SIK2: variants seen among roughly 807,000 people sequenced by gnomAD.
SIK2 encodes the protein serine/threonine-protein kinase SIK2.
Under a neutral mutation model 103.2 loss-of-function variants are expected in SIK2, and 29 were observed. The ratio of observed to expected loss-of-function variants is 0.28; its 90% CI spans 0.21 to 0.38. SIK2 has a LOEUF of 0.38. Among genes scored for constraint, SIK2 ranks in the 10% least tolerant of loss-of-function variants. The probability of loss-of-function intolerance (pLI) is 1.00; values close to 1 mark genes in which losing one functional copy is unlikely to be tolerated. For missense variants in SIK2, 879 were observed against 1,171.0 expected (o/e 0.75, Z 3.64); for synonymous variants, 412 against 446.1 (o/e 0.92, Z 0.96).
At position 111,728,817 on chromosome 11, in the gene SIK2, G is replaced by C. The variant is rs1009169868; in HGVS notation, c.*4688G>C. 2.0e-5 allele frequency: 3 copies of C among 151,930 alleles called. No homozygotes were observed. Among genetic ancestry groups the C allele is most frequent in the Admixed American group, 6.6e-5 (1 of 15,264 alleles). The allele number at this position is 151,930 out of a possible 1,614,324, so 9.4% of individuals were successfully genotyped here. A position where few individuals can be genotyped will look rare whatever the true frequency, so the allele number is the denominator to read the frequency against. On this transcript the variant is annotated 3_prime_UTR_variant, in exon 15 of 15. Coordinates refer to ENST00000304987, the MANE Select transcript of SIK2 (RefSeq NM_015191.3). ...TGGGCGCCTGTAGTTCCAGCTACTC[G>C]GGAGGCTGAGGCAGGAGAATGGCGT...
chr11:111,633,770 G>A (rs548379451), intron 3 of SIK2, among the ~76,000 whole-genome samples: 1 of 152,210 alleles, frequency 6.6e-6, no homozygotes. Flanking sequence ...TGTTCTCCAG[G>A]ACTTTTATGG....
chr11:111,605,500 TATC>T (rs1183445922), intron 1 of SIK2, among the ~76,000 whole-genome samples: 3 of 152,216 alleles, frequency 2.0e-5, no homozygotes, highest in Admixed American at 6.5e-5. Flanking sequence ...ATAAAAATAA[TATC>T]AGCAAAATAT....
At chr11:111,604,979 A>T (rs1028716547) in intron 1 of SIK2, among the ~76,000 whole-genome samples, 1 of 142,796 alleles carries the variant, frequency 7.0e-6, no homozygotes, top group Non-Finnish European at 1.5e-5. Flanking sequence ...TTTTTTTGAG[A>T]CGGAGCCTCG....
Position 111,726,644 on chromosome 11 carries a change from C to A in SIK2, c.*2515C>A. ...TGTTTGCTCAGCCCTGTCTGATCAC[C>A]TGTGCTGCTCTGTCCCTAACTAGTG... On this transcript the variant is annotated 3_prime_UTR_variant, in exon 15 of 15. Coordinates refer to ENST00000304987, the MANE Select transcript of SIK2 (RefSeq NM_015191.3). The A allele has an allele frequency of 3.1e-6, 1 of 319,524 alleles. No homozygotes were observed. The highest frequency in any genetic ancestry group is 5.9e-6 in the Non-Finnish European group (1 of 170,612). The allele number at this position is 319,524 out of a possible 1,614,324, so 19.8% of individuals were successfully genotyped here. A position where few individuals can be genotyped will look rare whatever the true frequency, so the allele number is the denominator to read the frequency against.
Position 111,724,233 on chromosome 11 carries a change from A to C in SIK2, c.*104A>C. 7.0e-7 allele frequency: 1 copy of C among 1,423,964 alleles called. No individual in the cohort carries two copies. The highest frequency in any genetic ancestry group is 9.3e-7 in the Non-Finnish European group (1 of 1,072,774). The allele number at this position is 1,423,964 out of a possible 1,614,324, so 88.2% of individuals were successfully genotyped here. A position where few individuals can be genotyped will look rare whatever the true frequency, so the allele number is the denominator to read the frequency against. ...AGCTTATTTTCTTGCCCTCTCCCTA[A>C]CGGGGAGAAATCGAGCCACCCAACT... On this transcript the variant is annotated 3_prime_UTR_variant, in exon 15 of 15. Coordinates refer to ENST00000304987, the MANE Select transcript of SIK2 (RefSeq NM_015191.3).
chr11:111,687,989 C>A lies in SIK2; in HGVS notation c.317-12C>A, dbSNP rs201717475. ...TTTGGTGACTAATTCTTAATCCTCT[C>A]TTCATTTACAGACTATCTTGCTAAT... On this transcript the variant is annotated splice_polypyrimidine_tract_variant and intron_variant, in intron 3 of 14. Transcript: ENST00000304987. The A allele has an allele frequency of 6.2e-6, 10 of 1,613,324 alleles. No individual in the cohort carries two copies. In the African/African-American group the frequency reaches 1.2e-4, roughly 19 times the overall value.
At position 111,727,535 on chromosome 11, in the gene SIK2, C is replaced by T. The variant is rs1210593358; in HGVS notation, c.*3406C>T. 6.0e-6 allele frequency: 1 copy of T among 167,412 alleles called. No individual in the cohort carries two copies. The highest frequency in any genetic ancestry group is 1.3e-5 in the Non-Finnish European group (1 of 76,408). 10.4% of individuals were successfully genotyped at this position (167,412 alleles called of 1,614,324 possible). A position where few individuals can be genotyped will look rare whatever the true frequency, so the allele number is the denominator to read the frequency against. On this transcript the variant is annotated 3_prime_UTR_variant, in exon 15 of 15. Transcript: ENST00000304987. ...GATGGGGAGCAAGGGGGGACCCCCCCTGTAGGAGTATCGGCCTCTCCCCTG... is the reference window on the plus strand; with the variant it reads ...GATGGGGAGCAAGGGGGGACCCCCCTTGTAGGAGTATCGGCCTCTCCCCTG...
At chr11:111,674,075 AAAAAAAAAG>A (rs1160084059) in intron 3 of SIK2, among the ~76,000 whole-genome samples, 2 of 151,890 alleles carry the variant, frequency 1.3e-5, no homozygotes, top group Admixed American at 1.3e-4. Flanking sequence ...CTCCATTAAA[AAAAAAAAAG>A]AAAAAAAGAA....
At chr11:111,674,142 A>G (rs1942667849) in intron 3 of SIK2, among the ~76,000 whole-genome samples, 1 of 152,068 alleles carries the variant, frequency 6.6e-6, no homozygotes, top group Non-Finnish European at 1.5e-5. Context: ...ACAGGCCTAC[A>G]AAGACTAAGG....
chr11:111,603,259 A>T (rs1395121723), intron 1 of SIK2, among the ~76,000 whole-genome samples: 1 of 149,882 alleles, frequency 6.7e-6, no homozygotes, highest in Non-Finnish European at 1.5e-5. Flanking sequence ...GCCACTGTCC[A>T]TCTCCTCTCC....
intron 9 of SIK2, among the ~76,000 whole-genome samples, chr11:111,716,194 C>A (rs762643245): frequency 6.6e-6 from 1 of 152,172 alleles, no homozygotes; most frequent in Non-Finnish European, 1.5e-5. Flanking sequence ...TGAGGGTAGA[C>A]CCTGAAAATG....
chr11:111,670,135 G>C (rs531352239), intron 3 of SIK2, among the ~76,000 whole-genome samples: 71 of 152,196 alleles, frequency 4.7e-4, no homozygotes, highest in African/African-American at 1.6e-3. Context: ...TCCAACACTA[G>C]GTCTCATTTC....
At position 111,727,352 on chromosome 11, in the gene SIK2, T is replaced by G; in HGVS notation, c.*3223T>G. 2.2e-6 allele frequency: 1 copy of G among 452,168 alleles called. No homozygotes were observed. The highest frequency in any genetic ancestry group is 3.5e-5 in the East Asian group (1 of 28,910). 28.0% of individuals were successfully genotyped at this position (452,168 alleles called of 1,614,324 possible). A position where few individuals can be genotyped will look rare whatever the true frequency, so the allele number is the denominator to read the frequency against. ...TGCCTCCTAGGAAAGAAAAAGTCAG[T>G]GGCCCTTTCTTCCTCAGATATCAAG... On this transcript the variant is annotated 3_prime_UTR_variant, in exon 15 of 15. Transcript: ENST00000304987.
At chr11:111,669,552 G>A (rs1044066212) in intron 3 of SIK2, among the ~76,000 whole-genome samples, 1 of 151,292 alleles carries the variant, frequency 6.6e-6, no homozygotes, top group African/African-American at 2.4e-5. Flanking sequence ...GCAACATAAT[G>A]AGACACCCCC....
Position 111,730,028 on chromosome 11 carries a change from G to A in SIK2, c.*5899G>A, listed in dbSNP as rs1336612562. On this transcript the variant is annotated 3_prime_UTR_variant, in exon 15 of 15. Transcript: ENST00000304987. ...CAGATTCCACCCCAGGAACGGTCAT[G>A]AACTCAGCCTTTGTCTCAACGAGGG... is the stretch of plus-strand genomic sequence containing the variant. The A allele has an allele frequency of 3.3e-5, 5 of 152,292 alleles. No homozygotes were observed. Among genetic ancestry groups the A allele is most frequent in the South Asian group, 2.1e-4 (1 of 4,838 alleles). 9.4% of individuals were successfully genotyped at this position (152,292 alleles called of 1,614,324 possible). A position where few individuals can be genotyped will look rare whatever the true frequency, so the allele number is the denominator to read the frequency against.
intron 1 of SIK2, among the ~76,000 whole-genome samples, chr11:111,608,679 A>G (rs1272051720): frequency 6.6e-6 from 1 of 152,234 alleles, no homozygotes; most frequent in East Asian, 1.9e-4. Flanking sequence ...TATTTTATTT[A>G]ATCAATTTCC....
rs1174977616 is a variant in SIK2, at chr11:111,654,954, A to C, written c.317-33047A>C. On this transcript the variant is annotated intron_variant, in intron 3 of 14. Coordinates refer to ENST00000304987, the MANE Select transcript of SIK2 (RefSeq NM_015191.3). ...TGAGACATTTCAGAAGATTATTATG[A>C]GTATGAAATCTGATTTCAGAATACA... Among the ~76,000 whole-genome samples the C allele has an allele frequency of 3.3e-5, 5 of 152,364 alleles. No homozygotes were observed. The East Asian group carries it at 9.6e-4, about 29-fold the overall frequency.
chr11:111,639,824 G>T (rs770767377), intron 3 of SIK2, among the ~76,000 whole-genome samples: 57 of 152,206 alleles, frequency 3.7e-4, no homozygotes, highest in Non-Finnish European at 7.8e-4. Flanking sequence ...AAGTAGAGGA[G>T]TGTGTAGAAA....
chr11:111,606,966 A>C (rs1470862192), intron 1 of SIK2, among the ~76,000 whole-genome samples: 2 of 151,650 alleles, frequency 1.3e-5, no homozygotes, highest in African/African-American at 4.8e-5. Flanking sequence ...GAAAAAAAAA[A>C]AAACTTATAA....
Sources: gnomAD v4.1 joint callset for allele counts (sites outside exome capture counted in the v4.1 genomes callset) on GRCh38, gnomAD v4.1.1 for gene constraint, MANE v1.5 for transcripts, NCBI Gene and HGNC (gene_info 2026-07-23, HGNC 2026-07-21) for gene names.